Variants in IARS1 observed in about 807,000 individuals in gnomAD.
The protein encoded by IARS1 is isoleucyl-tRNA synthetase 1.
In IARS1, 124 loss-of-function variants were observed where a neutral mutation model predicts 168.2. That is an observed-to-expected ratio of 0.74 (90% CI 0.64 to 0.86). The LOEUF is 0.86. Among genes scored for constraint, IARS1 ranks in the 40% least tolerant of loss-of-function variants. The pLI is 0.00. For synonymous variants in IARS1, 532 were observed against 529.4 expected (o/e 1.00, Z -0.07); for missense variants, 1,452 against 1,515.8 (o/e 0.96, Z 0.70).
Position 92,242,182 on chromosome 9 carries a change from T to G in IARS1, c.3149A>C (p.Asp1050Ala), listed in dbSNP as rs376036840. ...TGTTTTTTCTTGAATAAGGACTTTATCCGATGGAGAAACTGGATATGGTTT... is the reference window on the plus strand; with the variant it reads ...TGTTTTTTCTTGAATAAGGACTTTAGCCGATGGAGAAACTGGATATGGTTT... Reference protein sequence around the residue: ...PLKPYPVSPSDKVLIQEKTQL... With the variant: ...PLKPYPVSPSAKVLIQEKTQL... The change falls in exon 29 of 34, where the codon GAT becomes GCT. Residue 1050 changes from aspartate to alanine, a missense_variant. By Grantham distance (126) the Asp-to-Ala change is moderately radical. Coordinates refer to ENST00000443024, the MANE Select transcript of IARS1 (RefSeq NM_002161.6). 9.3e-6 allele frequency: 15 copies of G among 1,614,056 alleles called. No homozygotes were observed. Among genetic ancestry groups the G allele is most frequent in the African/African-American group, 2.7e-5 (2 of 75,054 alleles).
chr9:92,264,647 CTTTT>C (rs747252571), intron 16 of IARS1, among the ~76,000 whole-genome samples: 22 of 152,110 alleles, frequency 1.4e-4, no homozygotes, highest in East Asian at 1.9e-4. Context: ...GAACACATAA[CTTTT>C]TTTATCATTT....
In IARS1 at chr9:92,242,468, G is replaced by A. The variant is rs1207286710; in HGVS notation, c.3001-138C>T. ...GCAGTCACCCTTCCCTCCCTGCTGG[G>A]TGATCCGTAAGACTAACTGCACTCA... is the stretch of plus-strand genomic sequence containing the variant. On this transcript the variant is annotated intron_variant, in intron 28 of 33. Coordinates refer to ENST00000443024, the MANE Select transcript of IARS1 (RefSeq NM_002161.6). 1.1e-5 allele frequency: 7 copies of A among 650,204 alleles called. No homozygotes were observed. The African/African-American group carries it at 1.1e-4, about 10-fold the overall frequency. The allele number at this position is 650,204 out of a possible 1,614,324, so 40.3% of individuals were successfully genotyped here.
chr9:92,279,825 C>G (rs1426908952), intron 7 of IARS1, among the ~76,000 whole-genome samples: 1 of 152,214 alleles, frequency 6.6e-6, no homozygotes, highest in Non-Finnish European at 1.5e-5. Flanking sequence ...CTGTCAACCA[C>G]CATTCTACTA....
rs1043969518 is a variant in IARS1, at chr9:92,242,234, T to G, written c.3097A>C (p.Ile1033Leu). Residue 1033 changes from isoleucine (I) to leucine (L), a missense_variant, in exon 29 of 34, where the codon ATA (isoleucine) becomes CTA (leucine). Ile to Leu is a conservative substitution (Grantham distance 5). Coordinates refer to ENST00000443024, the MANE Select transcript of IARS1 (RefSeq NM_002161.6). ...NSVIESHTEF[I>L]FTTIKAPLKP... The stretch of plus-strand genomic sequence containing the variant: ...AAGGGAGCCTTTATGGTGGTAAATA[T>G]GAACTCTGTGTGGCTTTCAATAACA... 8.7e-6 allele frequency: 14 copies of G among 1,613,832 alleles called. No homozygotes were observed. The highest frequency in any genetic ancestry group is 1.1e-5 in the Non-Finnish European group (13 of 1,179,780).
At chr9:92,277,769 C>G in intron 9 of IARS1, 94 bp downstream of exon 9, 1 of 987,454 alleles carries the variant, frequency 1.0e-6, no homozygotes, top group Non-Finnish European at 1.5e-6. Flanking sequence ...CAGGTACACT[C>G]ATAAAAGTAA....
intron 33 of IARS1, among the ~76,000 whole-genome samples, chr9:92,214,782 G>A (rs1275048663): frequency 3.3e-5 from 5 of 152,358 alleles, no homozygotes; most frequent in South Asian, 2.1e-4. Flanking sequence ...CGCCCACGGA[G>A]TCTCGCTGAT....
chr9:92,287,513 G>T, intron 4 of IARS1: 1 of 210,744 alleles, frequency 4.7e-6, no homozygotes, highest in Non-Finnish European at 9.4e-6. Flanking sequence ...AAAAGTATTT[G>T]AGAAAAAAAG....
At chr9:92,271,980 A>G (rs1420773128) in intron 10 of IARS1, among the ~76,000 whole-genome samples, 9 of 152,216 alleles carry the variant, frequency 5.9e-5, no homozygotes. Context: ...AAGAATGGCT[A>G]CTCCATAAGC....
intron 33 of IARS1, among the ~76,000 whole-genome samples, chr9:92,213,818 A>AT (rs1053211240): frequency 4.0e-5 from 6 of 151,674 alleles, no homozygotes; most frequent in East Asian, 1.9e-4. Flanking sequence ...AATGCCATAG[A>AT]TTTTTTTTCT....
chr9:92,244,286 A>C (rs532601500), intron 27 of IARS1, among the ~76,000 whole-genome samples: 1 of 152,164 alleles, frequency 6.6e-6, no homozygotes, highest in East Asian at 1.9e-4. Flanking sequence ...TCCCACGTAG[A>C]GTTCTGTACA....
At chr9:92,224,147 G>A (rs1189195875) in intron 31 of IARS1, among the ~76,000 whole-genome samples, 1 of 152,206 alleles carries the variant, frequency 6.6e-6, no homozygotes, top group Non-Finnish European at 1.5e-5. Context: ...CCACAGGTGT[G>A]GCCTTGTAGG....
At chr9:92,287,169 A>T (rs913703231) in intron 4 of IARS1, among the ~76,000 whole-genome samples, 20 of 152,214 alleles carry the variant, frequency 1.3e-4, no homozygotes, top group African/African-American at 4.6e-4. Context: ...GCATAACCTA[A>T]ATTAAATCAG....
At chr9:92,256,995 T>G (rs1830823508) in intron 19 of IARS1, among the ~76,000 whole-genome samples, 195 bp from the exon 20 acceptor site, 1 of 152,252 alleles carries the variant, frequency 6.6e-6, no homozygotes, top group African/African-American at 2.4e-5. Context: ...ATTAATTTAT[T>G]ATGTTTTTGA....
chr9:92,250,668 T>C, intron 23 of IARS1, 45 bp downstream of exon 23: 1 of 1,509,650 alleles, frequency 6.6e-7, no homozygotes, highest in East Asian at 2.3e-5. Context: ...TGAGCAACTC[T>C]CCCCTCCTTG....
chr9:92,237,695 A>G (rs1827739889), intron 30 of IARS1, among the ~76,000 whole-genome samples: 1 of 152,172 alleles, frequency 6.6e-6, no homozygotes, highest in South Asian at 2.1e-4. Flanking sequence ...CACTTCTATC[A>G]TTATTTAATG....
rs368293228 is a variant in IARS1, at chr9:92,229,082, C to A, written c.3328G>T (p.Asp1110Tyr). ...ACAACACTCTTCAGCTTTAAAAGGTCCAACCTATTGTCACCTTTTGGATTT... is the reference window on the plus strand; with the variant it reads ...ACAACACTCTTCAGCTTTAAAAGGTACAACCTATTGTCACCTTTTGGATTT... ...LENPKGDNRL[D>Y]LLKLKSVVTS... is the part of the protein sequence containing the mutation. Residue 1110 changes from aspartate to tyrosine, a missense_variant, in exon 31 of 34, where the codon GAC becomes TAC. Asp to Tyr is a radical substitution (Grantham distance 160). Transcript: ENST00000443024. 1.9e-6 allele frequency: 3 copies of A among 1,613,834 alleles called. No homozygotes were observed. In the African/African-American group the frequency reaches 4.0e-5, roughly 22 times the overall value.
At chr9:92,250,428 C>T (rs1318329424) in intron 23 of IARS1, 139 bp from the exon 24 acceptor site, 7 of 675,366 alleles carry the variant, frequency 1.0e-5, no homozygotes, top group East Asian at 8.1e-5. Flanking sequence ...TGGGGAAGGG[C>T]AGCGCAGTGC....
Position 92,287,582 on chromosome 9 carries a change from A to G in IARS1, c.396+209T>C, listed in dbSNP as rs941031620. ...ATTTTTCCCTATTGGTGATCATGCA[A>G]GAAAGTTAGACCAATTAAGCACACA... On this transcript the variant is annotated intron_variant, in intron 4 of 33. Transcript: ENST00000443024. The G allele has an allele frequency of 4.1e-5, 17 of 417,460 alleles. No homozygotes were observed. The Admixed American group carries it at 4.2e-4, about 10-fold the overall frequency. The allele number at this position is 417,460 out of a possible 1,614,324, so 25.9% of individuals were successfully genotyped here. A position where few individuals can be genotyped will look rare whatever the true frequency, so the allele number is the denominator to read the frequency against.
At chr9:92,217,194 AG>A (rs1263443114) in intron 33 of IARS1, among the ~76,000 whole-genome samples, 2 of 152,114 alleles carry the variant, frequency 1.3e-5, no homozygotes, top group African/African-American at 4.8e-5. Flanking sequence ...AACAAAATGA[AG>A]GCAGAAATAA....
Sources: gnomAD v4.1 joint callset for allele counts (sites outside exome capture counted in the v4.1 genomes callset) on GRCh38, gnomAD v4.1.1 for gene constraint, MANE v1.5 for transcripts, NCBI Gene and HGNC (gene_info 2026-07-23, HGNC 2026-07-21) for gene names.